NIPBL: variants seen among roughly 807,000 people sequenced by gnomAD.
NIPBL encodes the protein nipped-B-like protein.
NIPBL carries 19 observed loss-of-function variants against 321.8 expected under a neutral mutation model. The ratio of observed to expected loss-of-function variants is 0.06; its 90% CI spans 0.04 to 0.09. The LOEUF (loss-of-function observed/expected upper bound fraction) is 0.09, where lower values mean the gene tolerates loss of function less well. Among genes scored for constraint, NIPBL ranks in the 10% least tolerant of loss-of-function variants. The pLI is 1.00. For missense variants in NIPBL, 2,210 were observed against 3,327.0 expected (o/e 0.66, Z 8.26); for synonymous variants, 1,106 against 1,114.1 (o/e 0.99, Z 0.14).
intron 1 of NIPBL, among the ~76,000 whole-genome samples, chr5:36,918,339 G>A (rs1748641125): frequency 6.6e-6 from 1 of 152,100 alleles, no homozygotes. Flanking sequence ...TGTTATTGGT[G>A]TTTAAGAATG....
intron 1 of NIPBL, among the ~76,000 whole-genome samples, chr5:36,881,157 G>A (rs780889268): frequency 6.6e-6 from 1 of 151,790 alleles, no homozygotes; most frequent in Non-Finnish European, 1.5e-5. Flanking sequence ...TAGTGTTTCT[G>A]GTTGATTTAA....
rs149769284 is a variant in NIPBL, at chr5:37,044,457, A to T, written c.6219A>T (p.Leu2073=). 5.0e-6 allele frequency: 8 copies of T among 1,613,830 alleles called. No homozygotes were observed. The highest frequency in any genetic ancestry group is 4.2e-6 in the Non-Finnish European group (5 of 1,179,850). The change falls in exon 35 of 47, where the codon CTA becomes CTT. Residue 2073 remains leucine (L), a synonymous_variant. Transcript: ENST00000282516. ...TTCTTGCCACTATTGAGGAAGATCTAATGAAGCTCATCATCAAATATGGCA... is the reference window on the plus strand; with the variant it reads ...TTCTTGCCACTATTGAGGAAGATCTTATGAAGCTCATCATCAAATATGGCA... ...ETFLATIEED[L]MKLIIKYGMT... is the part of the protein sequence containing the mutation.
rs1027734531 is a variant in NIPBL at position 36,961,570 on chromosome 5, C to T, written c.445C>T (p.His149Tyr). Reference protein sequence around the residue: ...SSNYQQTTISHSPSSRFVPPQ... With the variant: ...SSNYQQTTISYSPSSRFVPPQ... ...CAATTATCAACAAACCACTATCTCA[C>T]ATAGCCCCTCCAGGTAATATATGTA... Residue 149 changes from histidine (H) to tyrosine (Y), a missense_variant, in exon 5 of 47, where the codon CAT becomes TAT. Around this residue, in one of 14 missense-constraint regions of NIPBL, gnomAD observed 464 missense variants for 529.5 expected, o/e 0.88. Coordinates refer to ENST00000282516, the MANE Select transcript of NIPBL (RefSeq NM_133433.4). The T allele has an allele frequency of 6.3e-7, 1 of 1,584,220 alleles. No homozygotes were observed. The highest frequency in any genetic ancestry group is 8.7e-7 in the Non-Finnish European group (1 of 1,152,860).
Position 36,892,266 on chromosome 5 carries a change from A to G in NIPBL, c.-80+15088A>G, listed in dbSNP as rs960689202. 5.3e-5 allele frequency among the ~76,000 whole-genome samples: 8 copies of G among 152,176 alleles called. 1 individual carries two copies. The highest frequency in any genetic ancestry group is 1.9e-4 in the African/African-American group (8 of 41,432). On this transcript the variant is annotated intron_variant, in intron 1 of 46. Transcript: ENST00000282516. ...CCATCTCACACCAGTTAGAATGGCG[A>G]TCATTAAAAAGTCAGGAAACAACAG...
intron 1 of NIPBL, among the ~76,000 whole-genome samples, chr5:36,950,751 G>A (rs1740196530): frequency 6.6e-6 from 1 of 152,002 alleles, no homozygotes; most frequent in Admixed American, 6.6e-5. Context: ...TACTTTCACA[G>A]AGCCAAGCAG....
At chr5:37,056,957 CTTTTTGTT>C (rs1403125408) in intron 42 of NIPBL, among the ~76,000 whole-genome samples, 2 of 151,736 alleles carry the variant, frequency 1.3e-5, no homozygotes, top group African/African-American at 4.8e-5. Context: ...CCCCTTTTCC[CTTTTTGTT>C]ACACCTGTCT....
chr5:36,912,402 A>G (rs545430455), intron 1 of NIPBL, among the ~76,000 whole-genome samples: 3 of 152,266 alleles, frequency 2.0e-5, no homozygotes, highest in East Asian at 3.9e-4. Context: ...AGTTGGTTAT[A>G]TAAGACTCAG....
intron 1 of NIPBL, among the ~76,000 whole-genome samples, chr5:36,901,281 C>T (rs1385996664): frequency 6.6e-6 from 1 of 152,090 alleles, no homozygotes; most frequent in African/African-American, 2.4e-5. Context: ...TGATTTCATC[C>T]TTTTTTATGG....
intron 21 of NIPBL, among the ~76,000 whole-genome samples, chr5:37,012,643 C>A (rs1022053770): frequency 3.9e-5 from 6 of 152,072 alleles, no homozygotes; most frequent in Non-Finnish European, 7.4e-5. Context: ...TCCCTGGGTA[C>A]TTGAGATTAG....
intron 10 of NIPBL, among the ~76,000 whole-genome samples, chr5:36,994,921 G>A (rs1033213533): frequency 6.6e-6 from 1 of 152,020 alleles, no homozygotes; most frequent in African/African-American, 2.4e-5. Context: ...AACTTGAAAT[G>A]TACTTTTCAG....
At chr5:37,037,825 C>T (rs1303954632) in intron 33 of NIPBL, among the ~76,000 whole-genome samples, 1 of 151,904 alleles carries the variant, frequency 6.6e-6, no homozygotes, top group Non-Finnish European at 1.5e-5. Context: ...CCCACCTGAA[C>T]AGCATTTTGT....
intron 1 of NIPBL, among the ~76,000 whole-genome samples, chr5:36,880,776 TA>T (rs1745443980): frequency 1.3e-5 from 2 of 152,214 alleles, no homozygotes; most frequent in African/African-American, 4.8e-5. Flanking sequence ...CTTCGTATTT[TA>T]AAACTAGTCC....
chr5:36,915,581 C>T (rs1405828274), intron 1 of NIPBL, among the ~76,000 whole-genome samples: 1 of 152,086 alleles, frequency 6.6e-6, no homozygotes, highest in East Asian at 1.9e-4. Context: ...AACGCCAAAG[C>T]TATATCATAA....
chr5:37,018,842 G>A (rs950491530), intron 24 of NIPBL, among the ~76,000 whole-genome samples: 14 of 151,970 alleles, frequency 9.2e-5, no homozygotes, highest in Non-Finnish European at 1.9e-4. Context: ...AATAATGGCC[G>A]GGCGCAGTGG....
In NIPBL at chr5:37,052,764, G is replaced by A. The variant is rs75847044; in HGVS notation, c.7263+198G>A. Among the ~76,000 whole-genome samples the A allele has an allele frequency of 0.02, 3,032 of 152,200 alleles. 83 individuals carry two copies. The highest frequency in any genetic ancestry group is 0.062 in the African/African-American group (2,583 of 41,536). The stretch of plus-strand genomic sequence containing the variant: ...TTTTGTATGAGAATAAGTGTAATGA[G>A]GAATAATGTATAATTTTGCCTCCAT... On this transcript the variant is annotated intron_variant, in intron 42 of 46. Coordinates refer to ENST00000282516, the MANE Select transcript of NIPBL (RefSeq NM_133433.4).
chr5:36,916,624 A>T (rs1044663694), intron 1 of NIPBL, among the ~76,000 whole-genome samples: 4 of 152,062 alleles, frequency 2.6e-5, no homozygotes, highest in Admixed American at 2.6e-4. Flanking sequence ...TACATTAGGT[A>T]TATCTCCTAA....
At chr5:36,961,997 C>A (rs1229001372) in intron 5 of NIPBL, 126 bp from the exon 6 acceptor site, 7 of 1,064,634 alleles carry the variant, frequency 6.6e-6, no homozygotes, top group Non-Finnish European at 9.8e-6. Context: ...TTGCAAGATT[C>A]TTCTGTTTGC....
chr5:37,017,041 C>A lies in NIPBL; in HGVS notation c.4799C>A (p.Ser1600Ter). The A allele has an allele frequency of 6.2e-7, 1 of 1,609,674 alleles. No individual in the cohort carries two copies. Among genetic ancestry groups the A allele is most frequent in the South Asian group, 1.1e-5 (1 of 90,404 alleles). ...TAGGTTCATCAGTTCAGTAACAAGT[C>A]AACAGAGATGGCTTTAAGAGTGGCA... is the stretch of plus-strand genomic sequence containing the variant. ...RLLVHQFSNK[S>*]TEMALRVASL... Residue 1600 changes from serine (S) to a stop codon, truncating the protein, a stop_gained, in exon 24 of 47, where the codon TCA (serine) becomes TAA (stop). Coordinates refer to ENST00000282516, the MANE Select transcript of NIPBL (RefSeq NM_133433.4). LOFTEE classifies it high-confidence loss of function.
chr5:36,939,524 G>T (rs151077581), intron 1 of NIPBL, among the ~76,000 whole-genome samples: 1 of 152,022 alleles, frequency 6.6e-6, no homozygotes, highest in Non-Finnish European at 1.5e-5. Flanking sequence ...CTCTACCATC[G>T]TTGGTTTAAC....
Sources: allele counts gnomAD v4.1 joint callset (sites outside exome capture counted in the v4.1 genomes callset), GRCh38; gene constraint gnomAD v4.1.1; regional missense constraint gnomAD v4.1.1; transcripts MANE v1.5; gene names NCBI Gene and HGNC (gene_info 2026-07-23, HGNC 2026-07-21).